The following UNC5D variants were observed in gnomAD, a reference collection of about 807,000 sequenced individuals.
UNC5D encodes netrin receptor UNC5D.
UNC5D carries 39 observed loss-of-function variants against 105.4 expected under a neutral mutation model. The observed-to-expected ratio is 0.37, with a 90% CI of 0.29 to 0.48. The LOEUF (loss-of-function observed/expected upper bound fraction) is 0.48. UNC5D is among the 20% of genes least tolerant of loss of function. The pLI is 0.98. For synonymous variants in UNC5D, 452 were observed against 450.4 expected (o/e 1.00, Z -0.04); for missense variants, 991 against 1,202.4 (o/e 0.82, Z 2.60).
intron 1 of UNC5D, among the ~76,000 whole-genome samples, chr8:35,251,745 C>G (rs568907643): frequency 6.6e-6 from 1 of 152,160 alleles, no homozygotes; most frequent in South Asian, 2.1e-4. Flanking sequence ...TCTAATGTGT[C>G]TTAGGTATTA....
chr8:35,271,325 A>ATT (rs1392647877), intron 1 of UNC5D, among the ~76,000 whole-genome samples: 5 of 111,582 alleles, frequency 4.5e-5, no homozygotes, highest in African/African-American at 1.8e-4. Context: ...ATGTATATGC[A>ATT]TACACACGTG....
intron 1 of UNC5D, among the ~76,000 whole-genome samples, chr8:35,401,185 G>A (rs964777819): frequency 1.3e-5 from 2 of 152,016 alleles, no homozygotes; most frequent in African/African-American, 4.8e-5. Context: ...GTCCAGGTGC[G>A]GTGGCTCAAA....
At chr8:35,362,228 C>T (rs1405240816) in intron 1 of UNC5D, among the ~76,000 whole-genome samples, 2 of 152,182 alleles carry the variant, frequency 1.3e-5, no homozygotes, top group African/African-American at 2.4e-5. Context: ...TCTCATGCCA[C>T]TCCTCTGCAG....
chr8:35,568,180 G>A lies in UNC5D; in HGVS notation c.405G>A (p.Gln135=). ...DFHGPEDYWC[Q]CVAWSHLGTS... The stretch of plus-strand genomic sequence containing the variant: ...ATGGGCCCGAGGACTATTGGTGCCA[G>A]TGTGTGGCGTGGAGCCACCTGGGTA... The change falls in exon 3 of 17, where the codon CAG becomes CAA. Residue 135 remains glutamine (Q), a synonymous_variant. Transcript: ENST00000404895. 1 of 1,614,186 alleles carries A rather than the reference G, an allele frequency of 6.2e-7. No individual in the cohort carries two copies. The highest frequency in any genetic ancestry group is 2.2e-5 in the East Asian group (1 of 44,866).
At chr8:35,538,133 A>C (rs1814970057) in intron 1 of UNC5D, among the ~76,000 whole-genome samples, 1 of 152,034 alleles carries the variant, frequency 6.6e-6, no homozygotes, top group East Asian at 1.9e-4. Context: ...GGACTCTGGT[A>C]GGCTTACATA....
At position 35,790,518 on chromosome 8, in the gene UNC5D, G is replaced by C. The variant is rs951118367; in HGVS notation, c.2817G>C (p.Gln939His). ...AACTCTCAAACATTTCAGAATCCCAGCTTGATGAAGCCGACTTCAACTACA... is the reference window on the plus strand; with the variant it reads ...AACTCTCAAACATTTCAGAATCCCACCTTGATGAAGCCGACTTCAACTACA... The part of the protein sequence containing the change: ...HTKLSNISES[Q>H]LDEADFNYSR... Residue 939 changes from glutamine to histidine, a missense_variant, in exon 17 of 17, where the codon CAG becomes CAC. Physicochemically the swap from Gln to His is conservative, Grantham distance 24. Coordinates refer to ENST00000404895, the MANE Select transcript of UNC5D (RefSeq NM_080872.4). 2.5e-6 allele frequency: 4 copies of C among 1,613,756 alleles called. No homozygotes were observed. Among genetic ancestry groups the C allele is most frequent in the Non-Finnish European group, 3.4e-6 (4 of 1,179,876 alleles).
chr8:35,509,860 C>T (rs955490066), intron 1 of UNC5D, among the ~76,000 whole-genome samples: 1 of 152,104 alleles, frequency 6.6e-6, no homozygotes, highest in African/African-American at 2.4e-5. Flanking sequence ...CTCACAACCC[C>T]TCCTCAAGTT....
intron 4 of UNC5D, among the ~76,000 whole-genome samples, chr8:35,651,491 G>C (rs1169214560): frequency 6.6e-6 from 1 of 152,218 alleles, no homozygotes; most frequent in East Asian, 1.9e-4. Flanking sequence ...GCCTGAGCCA[G>C]ATTGTACTTT....
intron 1 of UNC5D, among the ~76,000 whole-genome samples, chr8:35,483,287 C>T (rs2130003760): frequency 6.6e-6 from 1 of 152,286 alleles, no homozygotes; most frequent in African/African-American, 2.4e-5. Context: ...ACTCTTCCTT[C>T]CTGGTTCACA....
intron 1 of UNC5D, among the ~76,000 whole-genome samples, chr8:35,397,793 A>G (rs1238458191): frequency 6.6e-6 from 1 of 152,130 alleles, no homozygotes; most frequent in Non-Finnish European, 1.5e-5. Context: ...TTGCCTTCCT[A>G]ATTTAATCCA....
At chr8:35,402,877 C>T (rs571769091) in intron 1 of UNC5D, among the ~76,000 whole-genome samples, 15 of 152,236 alleles carry the variant, frequency 9.9e-5, no homozygotes, top group Non-Finnish European at 1.8e-4. Flanking sequence ...CCTAATTTCC[C>T]TAGGAGCTCT....
chr8:35,302,786 C>T (rs1427790532), intron 1 of UNC5D, among the ~76,000 whole-genome samples: 2 of 152,062 alleles, frequency 1.3e-5, no homozygotes, highest in Non-Finnish European at 2.9e-5. Flanking sequence ...GATAAGTATG[C>T]CATCCTCTGT....
intron 14 of UNC5D, among the ~76,000 whole-genome samples, chr8:35,766,687 T>G (rs1343531698): frequency 6.6e-6 from 1 of 152,260 alleles, no homozygotes; most frequent in Non-Finnish European, 1.5e-5. Flanking sequence ...CAGTTGGAAT[T>G]GACATTAATT....
At chr8:35,263,816 C>T (rs1283863608) in intron 1 of UNC5D, among the ~76,000 whole-genome samples, 1 of 152,202 alleles carries the variant, frequency 6.6e-6, no homozygotes, top group East Asian at 1.9e-4. Context: ...AACTGACTTG[C>T]CTTGTGGCAA....
chr8:35,550,585 A>G lies in UNC5D; in HGVS notation c.322+1075A>G, dbSNP rs76377115. Among the ~76,000 whole-genome samples the G allele has an allele frequency of 6.9e-3, 1,052 of 152,332 alleles. 4 individuals carry two copies. Among genetic ancestry groups the G allele is most frequent in the Non-Finnish European group, 9.2e-3 (628 of 68,026 alleles). Reference sequence around the variant, plus strand: ...CTATATAACAAGGTAGGCCTTTCAGAGTATTCAGAGATAGGTAAGAAAATA... The same window carrying G: ...CTATATAACAAGGTAGGCCTTTCAGGGTATTCAGAGATAGGTAAGAAAATA... On this transcript the variant is annotated intron_variant, in intron 2 of 16. Coordinates refer to ENST00000404895, the MANE Select transcript of UNC5D (RefSeq NM_080872.4).
chr8:35,281,157 C>G (rs895709946), intron 1 of UNC5D, among the ~76,000 whole-genome samples: 1 of 152,152 alleles, frequency 6.6e-6, no homozygotes, highest in African/African-American at 2.4e-5. Flanking sequence ...GCAAACTCCT[C>G]TCTATACTGA....
intron 14 of UNC5D, among the ~76,000 whole-genome samples, chr8:35,760,171 G>A (rs1586601457): frequency 7.5e-6 from 1 of 134,066 alleles, no homozygotes; most frequent in East Asian, 2.0e-4. Context: ...AGCCTCCTGA[G>A]CAGCTGGATT....
intron 7 of UNC5D, among the ~76,000 whole-genome samples, chr8:35,694,952 C>T (rs1826657356): frequency 6.6e-6 from 1 of 152,106 alleles, no homozygotes; most frequent in African/African-American, 2.4e-5. Flanking sequence ...GCAAGAGTAT[C>T]AACAGTGAGA....
intron 9 of UNC5D, among the ~76,000 whole-genome samples, chr8:35,724,498 T>G (rs965879661): frequency 1.1e-4 from 16 of 152,096 alleles, no homozygotes; most frequent in Admixed American, 3.9e-4. Context: ...AAGACTGGGG[T>G]GACCAGCGGT....
Sources: gnomAD v4.1 joint callset for allele counts (sites outside exome capture counted in the v4.1 genomes callset) on GRCh38, gnomAD v4.1.1 for gene constraint, MANE v1.5 for transcripts, NCBI Gene and HGNC (gene_info 2026-07-23, HGNC 2026-07-21) for gene names.